SNX30: variants seen among roughly 807,000 people sequenced by gnomAD.
SNX30 encodes sorting nexin family member 30.
A neutral mutation model predicts 46.4 loss-of-function variants in SNX30; 24 were observed. That is an observed-to-expected ratio of 0.52 (90% CI 0.37 to 0.73). The LOEUF is 0.73. Ranked by LOEUF, SNX30 falls within the 30% of genes least tolerant of loss-of-function variation. The pLI, the probability that SNX30 is intolerant of heterozygous loss-of-function variation, is 0.00. For synonymous variants in SNX30, 189 were observed against 211.5 expected (o/e 0.89, Z 0.92); for missense variants, 533 against 555.7 (o/e 0.96, Z 0.41).
At chr9:112,758,031 C>T (rs984023492) in intron 1 of SNX30, among the ~76,000 whole-genome samples, 13 of 152,194 alleles carry the variant, frequency 8.5e-5, no homozygotes, top group Admixed American at 2.6e-4. Flanking sequence ...ACCCTCTACC[C>T]TTCTACTCCA....
intron 2 of SNX30, among the ~76,000 whole-genome samples, chr9:112,813,302 A>G (rs1840347151): frequency 9.2e-6 from 1 of 108,680 alleles, no homozygotes; most frequent in African/African-American, 2.8e-5. Flanking sequence ...TATCTCTACA[A>G]AAAAAACAAA....
chr9:112,817,875 G>A, intron 3 of SNX30, 60 bp downstream of exon 3: 5 of 1,118,454 alleles, frequency 4.5e-6, no homozygotes, highest in Non-Finnish European at 6.9e-6. Context: ...TTCCTGAAGG[G>A]GTTCACTCAA....
At chr9:112,766,851 C>T (rs1839545843) in intron 1 of SNX30, among the ~76,000 whole-genome samples, 1 of 152,080 alleles carries the variant, frequency 6.6e-6, no homozygotes, top group Non-Finnish European at 1.5e-5. Context: ...TTTTCTTAAC[C>T]CATTTTTCTG....
At chr9:112,785,629 C>T (rs1275048397) in intron 1 of SNX30, among the ~76,000 whole-genome samples, 2 of 152,076 alleles carry the variant, frequency 1.3e-5, no homozygotes, top group Non-Finnish European at 2.9e-5. Flanking sequence ...AGTGATCTGC[C>T]TGCCTTGGCT....
intron 5 of SNX30, among the ~76,000 whole-genome samples, chr9:112,838,102 G>C (rs1840793162): frequency 6.6e-6 from 1 of 151,268 alleles, no homozygotes; most frequent in African/African-American, 2.4e-5. Context: ...TGTGTTAGCA[G>C]GATGGTCTCG....
chr9:112,826,604 T>C (rs1425285064), intron 3 of SNX30, among the ~76,000 whole-genome samples: 1 of 152,016 alleles, frequency 6.6e-6, no homozygotes, highest in East Asian at 1.9e-4. Flanking sequence ...TGCTTAGCTT[T>C]AGGGGAGGAG....
At chr9:112,865,917 C>G (rs1841334677) in intron 8 of SNX30, among the ~76,000 whole-genome samples, 1 of 151,798 alleles carries the variant, frequency 6.6e-6, no homozygotes, top group African/African-American at 2.4e-5. Flanking sequence ...CCTACTACTA[C>G]AAAACCAACT....
chr9:112,868,935 G>A lies in SNX30; in HGVS notation c.*92G>A. On this transcript the variant is annotated 3_prime_UTR_variant, in exon 9 of 9. Transcript: ENST00000374232. ...TGCAGTGCCAGAGACGCAGTGCTGG[G>A]AAAACAACCACAGAAACATCTCTCC... is the stretch of plus-strand genomic sequence containing the variant. The A allele has an allele frequency of 1.6e-6, 2 of 1,232,444 alleles. No individual in the cohort carries two copies. Among genetic ancestry groups the A allele is most frequent in the Admixed American group, 3.4e-5 (2 of 58,608 alleles). The allele number at this position is 1,232,444 out of a possible 1,614,324, so 76.3% of individuals were successfully genotyped here. A position where few individuals can be genotyped will look rare whatever the true frequency, so the allele number is the denominator to read the frequency against.
At chr9:112,805,291 G>A (rs561492841) in intron 2 of SNX30, among the ~76,000 whole-genome samples, 1 of 151,908 alleles carries the variant, frequency 6.6e-6, no homozygotes, top group African/African-American at 2.4e-5. Flanking sequence ...ATGAATCATT[G>A]TATCAACCTA....
At chr9:112,836,688 T>C (rs1477373239) in intron 5 of SNX30, among the ~76,000 whole-genome samples, 3 of 152,238 alleles carry the variant, frequency 2.0e-5, no homozygotes, top group Non-Finnish European at 4.4e-5. Context: ...CTCTTAACTT[T>C]AGCTTTAAAA....
At chr9:112,859,053 A>G (rs112808442) in intron 7 of SNX30, among the ~76,000 whole-genome samples, 5 of 152,212 alleles carry the variant, frequency 3.3e-5, no homozygotes. Context: ...TTCATCTTGC[A>G]GAACTGAAAC....
chr9:112,864,767 G>T (rs752369305), intron 8 of SNX30, among the ~76,000 whole-genome samples: 1 of 152,066 alleles, frequency 6.6e-6, no homozygotes, highest in Non-Finnish European at 1.5e-5. Flanking sequence ...TGTACACAGG[G>T]TCCCTTCAGT....
At chr9:112,756,412 T>C (rs1839349599) in intron 1 of SNX30, among the ~76,000 whole-genome samples, 1 of 151,700 alleles carries the variant, frequency 6.6e-6, no homozygotes, top group South Asian at 2.1e-4. Flanking sequence ...ACCAGTTTCT[T>C]GACCTCCTTA....
chr9:112,815,124 T>C (rs1840377277), intron 2 of SNX30, among the ~76,000 whole-genome samples: 1 of 152,158 alleles, frequency 6.6e-6, no homozygotes, highest in Non-Finnish European at 1.5e-5. Flanking sequence ...TTATTTTCTA[T>C]TTATTTTTCT....
chr9:112,773,118 A>C (rs1197451407), intron 1 of SNX30, among the ~76,000 whole-genome samples: 1 of 152,226 alleles, frequency 6.6e-6, no homozygotes, highest in East Asian at 1.9e-4. Context: ...AGAGCAATGT[A>C]GGTGTGAGGC....
intron 5 of SNX30, among the ~76,000 whole-genome samples, chr9:112,837,371 G>A (rs1840773858): frequency 6.6e-6 from 1 of 152,142 alleles, no homozygotes; most frequent in African/African-American, 2.4e-5. Context: ...TGGCCACCGA[G>A]TGATAGAGTG....
At chr9:112,804,483 A>G (rs1272566853) in intron 1 of SNX30, among the ~76,000 whole-genome samples, 1 of 152,152 alleles carries the variant, frequency 6.6e-6, no homozygotes, top group African/African-American at 2.4e-5. Flanking sequence ...AGGTTTGATG[A>G]TGGTGGGGCC....
intron 3 of SNX30, among the ~76,000 whole-genome samples, chr9:112,828,755 C>T (rs1039358792): frequency 2.6e-5 from 4 of 152,160 alleles, no homozygotes; most frequent in Non-Finnish European, 5.9e-5. Context: ...GTATGTAATA[C>T]GCTCTTTTAT....
At chr9:112,855,827 A>T (rs1236354083) in intron 7 of SNX30, among the ~76,000 whole-genome samples, 1 of 152,134 alleles carries the variant, frequency 6.6e-6, no homozygotes, top group Non-Finnish European at 1.5e-5. Flanking sequence ...ACATGCACTT[A>T]CTTAGCAGGG....
Sources: gnomAD v4.1 joint callset for allele counts (sites outside exome capture counted in the v4.1 genomes callset) on GRCh38, gnomAD v4.1.1 for gene constraint, MANE v1.5 for transcripts, NCBI Gene and HGNC (gene_info 2026-07-23, HGNC 2026-07-21) for gene names.